PRELID2: variants seen among roughly 807,000 people sequenced by gnomAD.
PRELID2 encodes the protein PRELI domain containing 2, also known as PRELI domain-containing protein 2.
In PRELID2, 25 loss-of-function variants were observed where a neutral mutation model predicts 28.4. That is an observed-to-expected ratio of 0.88 (90% CI 0.64 to 1.23). The LOEUF is 1.23. Ranked by LOEUF, PRELID2 falls within the 50% of genes most tolerant of loss-of-function variation. PRELID2 has a pLI of 0.00. For synonymous variants in PRELID2, 76 were observed against 71.6 expected, an observed-to-expected ratio of 1.06 and a Z score of -0.31; for missense variants, 201 against 214.4, an observed-to-expected ratio of 0.94 and a Z score of 0.39.
intron 1 of PRELID2, among the ~76,000 whole-genome samples, chr5:145,670,287 C>T (rs775987953): frequency 1.3e-5 from 2 of 152,050 alleles, no homozygotes; most frequent in Non-Finnish European, 2.9e-5. Context: ...GTGCCAGGCT[C>T]TTTTTAACAG....
At position 145,639,604 on chromosome 5, in the gene PRELID2, A is replaced by G. The variant is rs865895270; in HGVS notation, n.70+125327T>C. Among the ~76,000 whole-genome samples the G allele has an allele frequency of 1.6e-4, 24 of 152,328 alleles. 1 individual carries two copies. Among genetic ancestry groups the G allele is most frequent in the Middle Eastern group, 3.4e-3 (1 of 294 alleles). On this transcript the variant is annotated intron_variant and non_coding_transcript_variant, in intron 1 of 2. Transcript: ENST00000510259. ...CTCAATGTCATATTACAGCCCCAAG[A>G]TTCTTTGCTTCAAACTTACGCTTCT...
intron 1 of PRELID2, among the ~76,000 whole-genome samples, chr5:145,512,282 G>C (rs943607260): frequency 5.3e-5 from 8 of 152,198 alleles, no homozygotes; most frequent in Non-Finnish European, 1.2e-4. Context: ...TGGTTAGACA[G>C]TGGGTGCAGC....
the PRELID2 span, among the ~76,000 whole-genome samples, chr5:145,452,242 C>T: frequency 2.6e-5 from 4 of 152,086 alleles, no homozygotes; most frequent in Admixed American, 2.0e-4. Flanking sequence ...AATGACTTGT[C>T]GTCACTTTAT....
At chr5:145,322,703 A>C in the PRELID2 span, among the ~76,000 whole-genome samples, 1 of 152,220 alleles carries the variant, frequency 6.6e-6, no homozygotes, top group East Asian at 1.9e-4. Flanking sequence ...TCTTTACCTC[A>C]TAAAACTTAC....
chr5:145,563,456 T>C (rs975815321), intron 1 of PRELID2, among the ~76,000 whole-genome samples: 40 of 152,294 alleles, frequency 2.6e-4, no homozygotes, highest in African/African-American at 9.6e-4. Context: ...CATGTTTCTG[T>C]CAATTTCAAT....
At chr5:145,611,427 G>C (rs778301901) in intron 1 of PRELID2, among the ~76,000 whole-genome samples, 4 of 152,164 alleles carry the variant, frequency 2.6e-5, no homozygotes, top group Non-Finnish European at 5.9e-5. Flanking sequence ...GCCTCCCAAA[G>C]TCCTAGGATT....
chr5:145,645,077 T>A (rs1422126756), intron 1 of PRELID2, among the ~76,000 whole-genome samples: 1 of 152,122 alleles, frequency 6.6e-6, no homozygotes, highest in Non-Finnish European at 1.5e-5. Flanking sequence ...CCTTGTTAAT[T>A]TTCTGTCTCG....
intron 4 of PRELID2, among the ~76,000 whole-genome samples, chr5:145,807,549 A>T (rs7704574): frequency 1.3e-5 from 2 of 151,478 alleles, no homozygotes; most frequent in Non-Finnish European, 2.9e-5. Context: ...CCAGAGTCAA[A>T]GAGCACATAA....
the PRELID2 span, among the ~76,000 whole-genome samples, chr5:145,252,281 T>C: frequency 2.0e-5 from 3 of 152,140 alleles, no homozygotes; most frequent in Non-Finnish European, 4.4e-5. Context: ...TTGCTAAAAA[T>C]GTAGATTCTC....
chr5:145,334,778 T>G, the PRELID2 span, among the ~76,000 whole-genome samples: 5 of 151,976 alleles, frequency 3.3e-5, no homozygotes, highest in South Asian at 2.1e-4. Flanking sequence ...TCAGTTTTTT[T>G]TTTTTTTTTT....
Position 145,627,097 on chromosome 5 carries a change from C to CAAAAA in PRELID2, n.70+137829_70+137833dup, listed in dbSNP as rs745309247. On this transcript the variant is annotated intron_variant and non_coding_transcript_variant, in intron 1 of 2. Transcript: ENST00000510259. ...CCTGGGTGACAGAGTAAGACTCTCC[C>CAAAAA]AAAAAAAAAAAAAAAAAAAAAAAAA... is the stretch of plus-strand genomic sequence containing the variant. 2.3e-3 allele frequency among the ~76,000 whole-genome samples: 95 copies of CAAAAA among 41,816 alleles called. 2 individuals carry two copies. Among genetic ancestry groups the CAAAAA allele is most frequent in the Non-Finnish European group, 2.8e-3 (60 of 21,398 alleles). 27.4% of individuals were successfully genotyped at this position (41,816 alleles called of 152,430 possible).
At chr5:145,449,434 C>T in the PRELID2 span, among the ~76,000 whole-genome samples, 2 of 152,112 alleles carry the variant, frequency 1.3e-5, no homozygotes, top group South Asian at 4.2e-4. Flanking sequence ...GTTGAACTCC[C>T]CTCAATGTTC....
chr5:145,636,493 C>T (rs1754004053), intron 1 of PRELID2, among the ~76,000 whole-genome samples: 1 of 152,226 alleles, frequency 6.6e-6, no homozygotes, highest in Admixed American at 6.5e-5. Flanking sequence ...GCCTTCAAAT[C>T]CCAAAGCTAC....
the PRELID2 span, among the ~76,000 whole-genome samples, chr5:145,252,697 A>G: frequency 6.6e-6 from 1 of 152,052 alleles, no homozygotes; most frequent in South Asian, 2.1e-4. Context: ...GAAATAACCC[A>G]AGGAGGAGAG....
In PRELID2 at chr5:145,756,725, A is replaced by T. The variant is rs978372355; in HGVS notation, c.*3811T>A. 1.2e-4 allele frequency among the ~76,000 whole-genome samples: 18 copies of T among 152,222 alleles called. No homozygotes were observed. The highest frequency in any genetic ancestry group is 4.3e-4 in the African/African-American group (18 of 41,460). On this transcript the variant is annotated 3_prime_UTR_variant, in exon 7 of 7. Transcript: ENST00000683046. ...AAGTACATTCATTTTTATTGCTAGA[A>T]CAGCCTCTCAAAACCTCATTCAAAT...
In PRELID2 at chr5:145,726,242, A is replaced by AGGGAG. The variant is rs1554086563; in HGVS notation, n.70+38684_70+38688dup. ...AAAGGAAGGAAGGAAGGAAGGAGGG[A>AGGGAG]GGGAGGGAGGGAGGGACGGAGGGGG... On this transcript the variant is annotated intron_variant and non_coding_transcript_variant, in intron 1 of 2. Transcript: ENST00000510259. Among the ~76,000 whole-genome samples, 118 of 101,296 alleles carry AGGGAG rather than the reference A, an allele frequency of 1.2e-3. 2 individuals carry two copies. The highest frequency in any genetic ancestry group is 4.1e-3 in the African/African-American group (106 of 25,558). The allele number at this position is 101,296 out of a possible 152,430, so 66.5% of individuals were successfully genotyped here.
chr5:145,695,569 C>G lies in PRELID2; in HGVS notation n.70+69362G>C, dbSNP rs1220487342. Among the ~76,000 whole-genome samples the G allele has an allele frequency of 2.0e-5, 3 of 151,872 alleles. No individual in the cohort carries two copies. In the East Asian group the frequency reaches 5.8e-4, roughly 29 times the overall value. ...GACATCACCCTTGCCCAGGAGAATT[C>G]AGGTCCTGGCTCAGAGTCTCTTGTG... On this transcript the variant is annotated intron_variant and non_coding_transcript_variant, in intron 1 of 2. Transcript: ENST00000510259.
the PRELID2 span, among the ~76,000 whole-genome samples, chr5:145,248,765 C>A: frequency 6.6e-6 from 1 of 152,088 alleles, no homozygotes; most frequent in African/African-American, 2.4e-5. Context: ...CCACTGTACT[C>A]CAGCCTAGCA....
the PRELID2 span, among the ~76,000 whole-genome samples, chr5:145,250,366 G>A: frequency 6.6e-6 from 1 of 152,128 alleles, no homozygotes; most frequent in Non-Finnish European, 1.5e-5. Flanking sequence ...TGTGCCAATG[G>A]TGCTAGAATT....
Sources: allele counts gnomAD v4.1 joint callset (sites outside exome capture counted in the v4.1 genomes callset), GRCh38; gene constraint gnomAD v4.1.1; transcripts MANE v1.5; gene names NCBI Gene and HGNC (gene_info 2026-07-23, HGNC 2026-07-21).